The following IL7 variants were observed in gnomAD, a reference collection of about 807,000 sequenced individuals.
The protein encoded by IL7 is interleukin-7.
Under a neutral mutation model 21.6 loss-of-function variants are expected in IL7, and 3 were observed. That is an observed-to-expected ratio of 0.14 (90% CI 0.06 to 0.36). The LOEUF is 0.36. IL7 is among the 10% of genes least tolerant of loss of function. The pLI is 1.00. For synonymous variants in IL7, 62 were observed against 68.1 expected, an observed-to-expected ratio of 0.91 and a Z score of 0.44; for missense variants, 175 against 200.2, an observed-to-expected ratio of 0.87 and a Z score of 0.76.
At chr8:78,773,381 G>A (rs1037899868) in intron 2 of IL7, among the ~76,000 whole-genome samples, 8 of 152,204 alleles carry the variant, frequency 5.3e-5, no homozygotes, top group African/African-American at 1.4e-4. Context: ...ATGTCATAAC[G>A]AACGGTATTG....
At chr8:78,779,924 C>T (rs186168261) in intron 2 of IL7, among the ~76,000 whole-genome samples, 22 of 152,098 alleles carry the variant, frequency 1.4e-4, no homozygotes, top group African/African-American at 4.1e-4. Flanking sequence ...ACTTGTTATT[C>T]GCCTATTCAA....
At chr8:78,743,819 T>G (rs1052624682) in intron 2 of IL7, among the ~76,000 whole-genome samples, 2 of 152,076 alleles carry the variant, frequency 1.3e-5, no homozygotes, top group Non-Finnish European at 2.9e-5. Flanking sequence ...CCTGGCACAA[T>G]TTGGCCAATT....
At chr8:78,735,276 C>CTTTTTTTTTTTTTTT in intron 5 of IL7, among the ~76,000 whole-genome samples, 300 of 77,802 alleles carry the variant, frequency 3.9e-3, no homozygotes, top group East Asian at 6.7e-3. Context: ...CTTTTCTTTT[C>CTTTTTTTTTTTTTTT]TTTTTTTTTT....
At chr8:78,693,234 T>C (rs1586005330) in intron 3 of IL7, among the ~76,000 whole-genome samples, 1 of 152,292 alleles carries the variant, frequency 6.6e-6, no homozygotes, top group East Asian at 1.9e-4. Context: ...TATAGTCCTT[T>C]GGGTATATAC....
rs1446594051 is a variant in IL7 at position 78,687,691 on chromosome 8, T to G, written n.215-1744A>C. Among the ~76,000 whole-genome samples, 23 of 110,052 alleles carry G rather than the reference T, an allele frequency of 2.1e-4. 2 individuals are homozygous for G. The highest frequency in any genetic ancestry group is 7.4e-4 in the African/African-American group (23 of 30,940). 72.2% of individuals were successfully genotyped at this position (110,052 alleles called of 152,430 possible). ...ATTTACGTAATACATTATATATATT[T>G]ACGTAATACATTATATATATATTTA... On this transcript the variant is annotated intron_variant and non_coding_transcript_variant, in intron 3 of 4. Coordinates refer to the IL7 transcript ENST00000523959.
chr8:78,745,935 T>A (rs1811963052), intron 2 of IL7, among the ~76,000 whole-genome samples: 1 of 152,200 alleles, frequency 6.6e-6, no homozygotes, highest in Admixed American at 6.5e-5. Flanking sequence ...CATCTTCACA[T>A]CACCTTCTTT....
At chr8:78,720,943 T>C (rs1322325673) in intron 5 of IL7, 2 of 151,930 alleles carry the variant, frequency 1.3e-5, no homozygotes, top group Non-Finnish European at 2.9e-5. Flanking sequence ...CAAAAGAGTG[T>C]CATCTATTTA....
rs559205309 is a variant in IL7, at chr8:78,677,253, G to C, written n.274-1149C>G. Among the ~76,000 whole-genome samples the C allele has an allele frequency of 2.8e-4, 42 of 152,106 alleles. 1 individual carries two copies. In the South Asian group the frequency reaches 8.3e-3, roughly 30 times the overall value. On this transcript the variant is annotated intron_variant and non_coding_transcript_variant, in intron 4 of 4. Coordinates refer to the IL7 transcript ENST00000523959. ...CATCATGCTTAATATAGTGGAGGGA[G>C]AATGTTTATCCAGTTGGCTTATTGG...
intron 4 of IL7, among the ~76,000 whole-genome samples, chr8:78,684,233 AC>A (rs1198656369): frequency 6.6e-6 from 1 of 152,224 alleles, no homozygotes; most frequent in African/African-American, 2.4e-5. Context: ...AATACCTGAG[AC>A]TAGGCAATTT....
intron 3 of IL7, among the ~76,000 whole-genome samples, chr8:78,710,417 G>A (rs1243698018): frequency 6.6e-6 from 1 of 151,916 alleles, no homozygotes; most frequent in Non-Finnish European, 1.5e-5. Context: ...TTTTATATAT[G>A]TAATGTTTCC....
downstream of IL7, among the ~76,000 whole-genome samples, chr8:78,714,446 C>T (rs1241397481): frequency 6.6e-6 from 1 of 152,072 alleles, no homozygotes; most frequent in Non-Finnish European, 1.5e-5. Flanking sequence ...ATGAATTGTA[C>T]TTTTTTTCTC....
At chr8:78,742,645 A>G (rs978515631) in intron 2 of IL7, among the ~76,000 whole-genome samples, 3 of 152,142 alleles carry the variant, frequency 2.0e-5, no homozygotes, top group African/African-American at 7.2e-5. Context: ...TTTTATCTTT[A>G]TGGTGAATTT....
intron 2 of IL7, among the ~76,000 whole-genome samples, chr8:78,783,043 G>A (rs552538474): frequency 1.1e-4 from 17 of 152,248 alleles, no homozygotes; most frequent in African/African-American, 4.1e-4. Flanking sequence ...CACCAGCAGG[G>A]GAAAAGGCAG....
chr8:78,727,254 T>C (rs1049741062), intron 3 of IL7, among the ~76,000 whole-genome samples: 30 of 152,192 alleles, frequency 2.0e-4, no homozygotes, highest in African/African-American at 7.2e-4. Context: ...ACTGTGGTTG[T>C]AATTCCTGGC....
chr8:78,773,176 C>T (rs1348456440), intron 2 of IL7, among the ~76,000 whole-genome samples: 3 of 152,050 alleles, frequency 2.0e-5, no homozygotes, highest in African/African-American at 7.2e-5. Flanking sequence ...AGGACACCCT[C>T]GATCACAGGG....
intron 2 of IL7, chr8:78,761,620 G>A: frequency 1.2e-6 from 2 of 1,611,962 alleles, no homozygotes; most frequent in South Asian, 1.1e-5. Flanking sequence ...CCCCTGCTAT[G>A]TCCACTACAT....
chr8:78,745,263 T>G (rs2919918), intron 2 of IL7, among the ~76,000 whole-genome samples: 5,403 of 152,332 alleles, frequency 0.035, 137 homozygotes, highest in African/African-American at 0.074. Context: ...ACTAATTACA[T>G]AAAAAATGAA....
chr8:78,780,009 C>A (rs1429040623), intron 2 of IL7, among the ~76,000 whole-genome samples: 1 of 152,082 alleles, frequency 6.6e-6, no homozygotes, highest in Non-Finnish European at 1.5e-5. Context: ...TCTAGATTTT[C>A]TAATTTATTT....
chr8:78,707,458 C>T (rs1190431462), intron 3 of IL7, among the ~76,000 whole-genome samples: 1 of 152,208 alleles, frequency 6.6e-6, no homozygotes, highest in Non-Finnish European at 1.5e-5. Flanking sequence ...ACTGTGACAA[C>T]ATCTGTGACT....
Sources: gnomAD v4.1 joint callset for allele counts (sites outside exome capture counted in the v4.1 genomes callset) on GRCh38, gnomAD v4.1.1 for gene constraint, MANE v1.5 for transcripts, NCBI Gene and HGNC (gene_info 2026-07-23, HGNC 2026-07-21) for gene names.